Variants in IGLON5 observed in about 807,000 individuals in gnomAD.
IGLON5 encodes the protein Ig-like domain-containing protein ENSP00000270642.
A neutral mutation model predicts 38.2 loss-of-function variants in IGLON5; 16 were observed. The ratio of observed to expected loss-of-function variants is 0.42; its 90% confidence interval spans 0.28 to 0.64. IGLON5 has a LOEUF of 0.64. Ranked by LOEUF, IGLON5 falls within the 30% of genes least tolerant of loss-of-function variation. The pLI is 0.23. For missense variants in IGLON5, 366 were observed against 483.4 expected (o/e 0.76, Z 2.28); for synonymous variants, 207 against 216.4 (o/e 0.96, Z 0.38).
intron 1 of IGLON5, 133 bp downstream of exon 1, chr19:51,312,059 GGGCCC>G (rs1476867395): frequency 9.6e-6 from 4 of 416,066 alleles, no homozygotes; most frequent in Non-Finnish European, 1.6e-5. Context: ...GCCGGGGTCT[GGGCCC>G]GGGGGTGGGG....
At chr19:51,321,037 G>T (rs1026728308) in intron 1 of IGLON5, among the ~76,000 whole-genome samples, 1 of 152,182 alleles carries the variant, frequency 6.6e-6, no homozygotes, top group African/African-American at 2.4e-5. Flanking sequence ...GTGTGTGTAT[G>T]TGTGTATACA....
chr19:51,327,322 G>T lies in IGLON5; in HGVS notation c.767+122G>T. On this transcript the variant is annotated intron_variant, in intron 6 of 7. Coordinates refer to ENST00000270642, the MANE Select transcript of IGLON5 (RefSeq NM_001101372.3). The surrounding 1 kb of genome is among the most constrained non-coding windows in gnomAD (Gnocchi z 7.1). ...AGCAGAGCTCTGGGTCCCGAACCTG[G>T]GGCGTCCAGCTTCTAGGTGATGGGA... The T allele has an allele frequency of 7.3e-7, 1 of 1,361,898 alleles. No homozygotes were observed. Among genetic ancestry groups the T allele is most frequent in the Non-Finnish European group, 9.9e-7 (1 of 1,005,246 alleles). The allele number at this position is 1,361,898 out of a possible 1,614,324, so 84.4% of individuals were successfully genotyped here. A position where few individuals can be genotyped will look rare whatever the true frequency, so the allele number is the denominator to read the frequency against.
intron 1 of IGLON5, among the ~76,000 whole-genome samples, chr19:51,319,075 A>T (rs1984991145): frequency 6.6e-6 from 1 of 152,186 alleles, no homozygotes; most frequent in Non-Finnish European, 1.5e-5. Context: ...CTGGCCCCAA[A>T]TGTCAGCCGT....
chr19:51,313,977 C>T (rs1012526751), intron 1 of IGLON5, among the ~76,000 whole-genome samples: 1 of 152,000 alleles, frequency 6.6e-6, no homozygotes, highest in South Asian at 2.1e-4. Flanking sequence ...ATCCTCCCAC[C>T]TGGGCCTCTC....
chr19:51,323,256 C>A (rs1985122812), intron 2 of IGLON5, among the ~76,000 whole-genome samples: 1 of 150,836 alleles, frequency 6.6e-6, no homozygotes, highest in Non-Finnish European at 1.5e-5. Context: ...CTCTCTCTCT[C>A]TCTGGGTCTC....
At position 51,326,464 on chromosome 19, in the gene IGLON5, C is replaced by A. The variant is rs543679214; in HGVS notation, c.512-300C>A. ...ATCCCCCTCCCCATTGGGGTCCTCC[C>A]CACGGAGCTCCATGATCTGAGTCAG... On this transcript the variant is annotated intron_variant, in intron 4 of 7. Transcript: ENST00000270642. Among the ~76,000 whole-genome samples the A allele has an allele frequency of 3.9e-5, 6 of 152,302 alleles. No individual in the cohort carries two copies. In the South Asian group the frequency reaches 1.0e-3, roughly 26 times the overall value.
intron 2 of IGLON5, among the ~76,000 whole-genome samples, chr19:51,322,971 C>CTG (rs1405720773): frequency 6.7e-6 from 1 of 148,924 alleles, no homozygotes; most frequent in African/African-American, 2.5e-5. Flanking sequence ...CTGTCCCCCT[C>CTG]TCTCTGGGTC....
At chr19:51,326,980 G>C (rs1192629391) in intron 5 of IGLON5, 82 bp downstream of exon 5, 2 of 1,578,376 alleles carry the variant, frequency 1.3e-6, no homozygotes, top group Non-Finnish European at 1.7e-6. Context: ...AAGAGGAAGC[G>C]GGGGCGAGAC....
chr19:51,313,623 T>G (rs1163938217), intron 1 of IGLON5, among the ~76,000 whole-genome samples: 1 of 137,228 alleles, frequency 7.3e-6, no homozygotes, highest in Non-Finnish European at 1.5e-5. Context: ...CTTTCCTTCT[T>G]TCTCTTTTTC....
chr19:51,323,540 C>CACA lies in IGLON5; in HGVS notation c.159-122_159-121insACA, dbSNP rs1456867000. ...TGTATGGTGGGCACAGCAGCATCCGCCTCACAGGGCTGTGGTGGGACCTGG... is the reference window on the plus strand; with the variant it reads ...TGTATGGTGGGCACAGCAGCATCCGCACACTCACAGGGCTGTGGTGGGACCTGG... On this transcript the variant is annotated intron_variant, in intron 2 of 7. Coordinates refer to ENST00000270642, the MANE Select transcript of IGLON5 (RefSeq NM_001101372.3). The CACA allele has an allele frequency of 2.9e-4, 228 of 772,934 alleles. No homozygotes were observed. The African/African-American group carries it at 3.6e-3, about 12-fold the overall frequency. The allele number at this position is 772,934 out of a possible 1,614,324, so 47.9% of individuals were successfully genotyped here. A position where few individuals can be genotyped will look rare whatever the true frequency, so the allele number is the denominator to read the frequency against.
chr19:51,327,140 T>G lies in IGLON5; in HGVS notation c.707T>G (p.Leu236Arg). Residue 236 changes from leucine (L) to arginine (R), a missense_variant, in exon 6 of 8, where the codon CTG becomes CGG. Coordinates refer to ENST00000270642, the MANE Select transcript of IGLON5 (RefSeq NM_001101372.3). The surrounding 1 kb of genome is among the most constrained non-coding windows in gnomAD (Gnocchi z 7.1). ...ACCGCGCTGGGCCGGGCCGCCCTCC[T>G]GCGCTGCGAAGCCATGGCGGTTCCC... ...ARTALGRAAL[L>R]RCEAMAVPPA... 1 of 1,612,324 alleles carries G rather than the reference T, an allele frequency of 6.2e-7. No homozygotes were observed. Among genetic ancestry groups the G allele is most frequent in the Non-Finnish European group, 8.5e-7 (1 of 1,179,630 alleles).
In IGLON5 at chr19:51,329,016, C is replaced by T. The variant is rs979861231; in HGVS notation, c.*257C>T. 15 of 406,974 alleles carry T rather than the reference C, an allele frequency of 3.7e-5. No homozygotes were observed. The highest frequency in any genetic ancestry group is 6.2e-5 in the Non-Finnish European group (14 of 224,826). 25.2% of individuals were successfully genotyped at this position (406,974 alleles called of 1,614,324 possible). A position where few individuals can be genotyped will look rare whatever the true frequency, so the allele number is the denominator to read the frequency against. ...CACGTTTCCGATTGTGACCCACTCC[C>T]GCCACCCCATACCCCTCTCTCTTAG... On this transcript the variant is annotated 3_prime_UTR_variant, in exon 8 of 8. Coordinates refer to ENST00000270642, the MANE Select transcript of IGLON5 (RefSeq NM_001101372.3). The surrounding 1 kb of genome is among the most constrained non-coding windows in gnomAD (Gnocchi z 4.3).
intron 1 of IGLON5, among the ~76,000 whole-genome samples, chr19:51,317,805 C>T (rs1000934567): frequency 1.3e-5 from 2 of 152,232 alleles, no homozygotes; most frequent in African/African-American, 4.8e-5. Context: ...GAATCCCTCA[C>T]AGAAACCCTT....
In IGLON5 at chr19:51,329,315, C is replaced by T. The variant is rs953380083; in HGVS notation, c.*556C>T. 1 of 152,222 alleles carries T rather than the reference C, an allele frequency of 6.6e-6. No individual in the cohort carries two copies. Among genetic ancestry groups the T allele is most frequent in the Admixed American group, 6.5e-5 (1 of 15,286 alleles). The allele number at this position is 152,222 out of a possible 1,614,324, so 9.4% of individuals were successfully genotyped here. A position where few individuals can be genotyped will look rare whatever the true frequency, so the allele number is the denominator to read the frequency against. On this transcript the variant is annotated 3_prime_UTR_variant, in exon 8 of 8. Transcript: ENST00000270642. This position sits in a 1 kb window ranked among gnomAD's most constrained non-coding sequence, Gnocchi z 4.3. ...TCCCCAATATATGCACGCACACTAC[C>T]CCTCCCCCTGTCGAAAGGGCAACTC...
At chr19:51,322,013 GCCC>G (rs1032332429) in intron 1 of IGLON5, 48 bp from the exon 2 acceptor site, 2 of 1,465,576 alleles carry the variant, frequency 1.4e-6, no homozygotes, top group African/African-American at 2.8e-5. Flanking sequence ...GTGCTACCAT[GCCC>G]GGGCCTTGCC....
chr19:51,324,274 G>A lies in IGLON5; in HGVS notation c.391+380G>A, dbSNP rs887396169. Reference sequence around the variant, plus strand: ...TCAGAGAGGACTTCCCAGACGTGACGTCTGAGCTGACGCCTTTGGCTGGGC... The same window carrying A: ...TCAGAGAGGACTTCCCAGACGTGACATCTGAGCTGACGCCTTTGGCTGGGC... On this transcript the variant is annotated intron_variant, in intron 3 of 7. Coordinates refer to ENST00000270642, the MANE Select transcript of IGLON5 (RefSeq NM_001101372.3). The surrounding 1 kb of genome is among the most constrained non-coding windows in gnomAD (Gnocchi z 4.2). Among the ~76,000 whole-genome samples the A allele has an allele frequency of 6.6e-6, 1 of 152,174 alleles. No individual in the cohort carries two copies. The highest frequency in any genetic ancestry group is 2.4e-5 in the African/African-American group (1 of 41,446).
At chr19:51,320,519 T>G (rs1162131123) in intron 1 of IGLON5, among the ~76,000 whole-genome samples, 1 of 152,058 alleles carries the variant, frequency 6.6e-6, no homozygotes, top group African/African-American at 2.4e-5. Context: ...TCCAGCCCGC[T>G]GGCCACGGTC....
rs1344205989 is a variant in IGLON5, at chr19:51,330,717, G to A, written c.*1958G>A. On this transcript the variant is annotated 3_prime_UTR_variant, in exon 8 of 8. Transcript: ENST00000270642. ...TCTTGGCTCTGTGGGGATAGCAATG[G>A]TGGGGAGGACAGCATATGGAGCCTG... Among the ~76,000 whole-genome samples, 1 of 152,206 alleles carries A rather than the reference G, an allele frequency of 6.6e-6. No individual in the cohort carries two copies. Among genetic ancestry groups the A allele is most frequent in the East Asian group, 1.9e-4 (1 of 5,190 alleles).
rs1231003064 is a variant in IGLON5 at position 51,324,849 on chromosome 19, AC to A, written c.392-493del. Among the ~76,000 whole-genome samples the A allele has an allele frequency of 6.6e-6, 1 of 151,640 alleles. No homozygotes were observed. The highest frequency in any genetic ancestry group is 2.4e-5 in the African/African-American group (1 of 41,272). Reference sequence around the variant, plus strand: ...GAATTGATGAAATACAGTAACATCCACCCCAGAGGCTGGTAGTGAGCATCTA... The same window carrying A: ...GAATTGATGAAATACAGTAACATCCACCCAGAGGCTGGTAGTGAGCATCTA... On this transcript the variant is annotated intron_variant, in intron 3 of 7. Coordinates refer to ENST00000270642, the MANE Select transcript of IGLON5 (RefSeq NM_001101372.3). This position sits in a 1 kb window ranked among gnomAD's most constrained non-coding sequence, Gnocchi z 4.2.
Sources: gnomAD v4.1 joint callset for allele counts (sites outside exome capture counted in the v4.1 genomes callset) on GRCh38, gnomAD v4.1.1 for gene constraint, Gnocchi (gnomAD v3.1) non-coding constraint, MANE v1.5 for transcripts, NCBI Gene and HGNC (gene_info 2026-07-23, HGNC 2026-07-21) for gene names.